Variants in DLGAP2 observed in about 807,000 individuals in gnomAD.
The protein encoded by DLGAP2 is disks large-associated protein 2.
A neutral mutation model predicts 100.3 loss-of-function variants in DLGAP2; 26 were observed. The ratio of observed to expected loss-of-function variants is 0.26; its 90% CI spans 0.19 to 0.36. The LOEUF (loss-of-function observed/expected upper bound fraction) is 0.36, where lower values mean the gene tolerates loss of function less well. Among genes scored for constraint, DLGAP2 ranks in the 10% least tolerant of loss-of-function variants. The pLI is 1.00. For missense variants in DLGAP2, 1,858 were observed against 1,453.2 expected (o/e 1.28, Z -4.53); for synonymous variants, 886 against 630.1 (o/e 1.41, Z -6.08).
chr8:952,496 G>T (rs1462471066), intron 2 of DLGAP2, among the ~76,000 whole-genome samples: 1 of 152,148 alleles, frequency 6.6e-6, no homozygotes, highest in Non-Finnish European at 1.5e-5. Flanking sequence ...AATTAGTTGG[G>T]TGTAGTGGTG....
At chr8:1,383,035 C>T (rs576614188) in intron 3 of DLGAP2, among the ~76,000 whole-genome samples, 10 of 152,250 alleles carry the variant, frequency 6.6e-5, no homozygotes, top group African/African-American at 2.4e-4. Context: ...TTTTGTGGAA[C>T]GCAAATCGAA....
At chr8:1,691,496 A>C in intron 12 of DLGAP2, 39 bp from the exon 13 acceptor site, 1 of 1,562,778 alleles carries the variant, frequency 6.4e-7, no homozygotes, top group South Asian at 1.1e-5. Context: ...CCCAGTTTTG[A>C]AGTTGTTGTT....
At chr8:943,732 C>T (rs1799250060) in intron 2 of DLGAP2, among the ~76,000 whole-genome samples, 1 of 152,234 alleles carries the variant, frequency 6.6e-6, no homozygotes, top group Non-Finnish European at 1.5e-5. Context: ...CATCCCGCCA[C>T]AAGCACAGCG....
chr8:1,471,510 C>G (rs901351306), intron 3 of DLGAP2, among the ~76,000 whole-genome samples: 1 of 149,416 alleles, frequency 6.7e-6, no homozygotes, highest in African/African-American at 2.6e-5. Flanking sequence ...CCAACCCAGC[C>G]TCTGCGATGC....
chr8:978,797 A>T (rs1013538264), intron 2 of DLGAP2, among the ~76,000 whole-genome samples: 11 of 152,170 alleles, frequency 7.2e-5, no homozygotes, highest in Non-Finnish European at 1.6e-4. Context: ...AAGACTTTTC[A>T]AACAGCTTAC....
intron 1 of DLGAP2, among the ~76,000 whole-genome samples, chr8:784,826 G>A (rs1013200653): frequency 3.9e-5 from 6 of 152,146 alleles, no homozygotes; most frequent in Admixed American, 1.3e-4. Flanking sequence ...ACAATAAGCC[G>A]CATCTTTATA....
intron 3 of DLGAP2, among the ~76,000 whole-genome samples, chr8:1,275,620 T>C (rs1294971150): frequency 6.7e-6 from 1 of 149,534 alleles, no homozygotes. Flanking sequence ...GTAAGAAGTT[T>C]ATAGGAAAAG....
intron 1 of DLGAP2, among the ~76,000 whole-genome samples, chr8:779,832 A>G (rs1319778381): frequency 1.3e-5 from 2 of 151,562 alleles, no homozygotes; most frequent in Non-Finnish European, 2.9e-5. Flanking sequence ...TTCCTTTTTT[A>G]TATTTTATTT....
chr8:1,012,573 C>T (rs1202416100), intron 2 of DLGAP2, among the ~76,000 whole-genome samples: 1 of 135,164 alleles, frequency 7.4e-6, no homozygotes, highest in Admixed American at 7.5e-5. Flanking sequence ...TCCAACCAGC[C>T]CCCCACTTCA....
At chr8:1,389,140 C>A (rs1287390340) in intron 3 of DLGAP2, among the ~76,000 whole-genome samples, 1 of 152,122 alleles carries the variant, frequency 6.6e-6, no homozygotes, top group Non-Finnish European at 1.5e-5. Flanking sequence ...GCTCTGGTCC[C>A]ACAGACTAAG....
At chr8:1,065,330 C>G (rs1803212667) in intron 2 of DLGAP2, among the ~76,000 whole-genome samples, 2 of 152,192 alleles carry the variant, frequency 1.3e-5, no homozygotes, top group Non-Finnish European at 2.9e-5. Flanking sequence ...TTTCATATGA[C>G]TAGCATCAGG....
At chr8:1,130,539 A>G (rs912100201) in intron 2 of DLGAP2, among the ~76,000 whole-genome samples, 2 of 152,226 alleles carry the variant, frequency 1.3e-5, no homozygotes, top group African/African-American at 4.8e-5. Context: ...CACCCATTAG[A>G]TAAAAGCAGA....
chr8:1,361,397 A>G lies in DLGAP2; in HGVS notation c.106+102514A>G, dbSNP rs1585299577. 1.3e-5 allele frequency among the ~76,000 whole-genome samples: 2 copies of G among 152,320 alleles called. 1 individual carries two copies. Among genetic ancestry groups the G allele is most frequent in the East Asian group, 3.9e-4 (2 of 5,184 alleles). On this transcript the variant is annotated intron_variant, in intron 3 of 14. Transcript: ENST00000637795. ...TTTATCTTTCTTAGTGCTTTATACA[A>G]ATAAAAACAAACAGAAATCTATGTG...
chr8:1,029,678 C>G (rs778667736), intron 2 of DLGAP2, among the ~76,000 whole-genome samples: 6 of 152,040 alleles, frequency 3.9e-5, no homozygotes, highest in Admixed American at 6.5e-5. Context: ...AGAAGAGTAA[C>G]TGGGTTAGAG....
chr8:867,887 A>G (rs879386940), intron 1 of DLGAP2, among the ~76,000 whole-genome samples: 1 of 152,240 alleles, frequency 6.6e-6, no homozygotes, highest in Admixed American at 6.5e-5. Flanking sequence ...TATGACAAAC[A>G]TATTTGCTCA....
intron 2 of DLGAP2, among the ~76,000 whole-genome samples, chr8:1,121,464 A>T (rs1482945897): frequency 6.6e-6 from 1 of 151,110 alleles, no homozygotes; most frequent in African/African-American, 2.4e-5. Flanking sequence ...ATGACCTCCC[A>T]TCCTCATCTC....
Position 1,565,905 on chromosome 8 carries a change from CCAG to C in DLGAP2, c.1442+13_1442+15del. On this transcript the variant is annotated intron_variant, in intron 6 of 14. Coordinates refer to ENST00000637795, the MANE Select transcript of DLGAP2 (RefSeq NM_001346810.2). ...TGGAGAGCACCAGACGTAAGTGAGACCAGCTGCCTTCCCACTCCAAGCACTTTC... is the reference window on the plus strand; with the variant it reads ...TGGAGAGCACCAGACGTAAGTGAGACCTGCCTTCCCACTCCAAGCACTTTC... 6.3e-7 allele frequency: 1 copy of C among 1,583,022 alleles called. No homozygotes were observed. The highest frequency in any genetic ancestry group is 2.3e-5 in the East Asian group (1 of 43,126).
At chr8:1,305,722 A>G (rs1245844170) in intron 3 of DLGAP2, among the ~76,000 whole-genome samples, 1 of 152,204 alleles carries the variant, frequency 6.6e-6, no homozygotes, top group Non-Finnish European at 1.5e-5. Flanking sequence ...ACTGTGTACC[A>G]CCTAAAGCCT....
At chr8:1,521,669 C>G in intron 4 of DLGAP2, among the ~76,000 whole-genome samples, 1 of 39,500 alleles carries the variant, frequency 2.5e-5, no homozygotes, top group South Asian at 3.3e-3. Flanking sequence ...TTGGAATACT[C>G]GGGCGGCAGG....
Sources: allele counts gnomAD v4.1 joint callset (sites outside exome capture counted in the v4.1 genomes callset), GRCh38; gene constraint gnomAD v4.1.1; transcripts MANE v1.5; gene names NCBI Gene and HGNC (gene_info 2026-07-23, HGNC 2026-07-21).